The following SLC2A9 variants were observed in gnomAD, a reference collection of about 807,000 sequenced individuals.
SLC2A9 encodes solute carrier family 2, facilitated glucose transporter member 9.
In SLC2A9, 39 loss-of-function variants were observed where a neutral mutation model predicts 50.6. The ratio of observed to expected loss-of-function variants is 0.77; its 90% CI spans 0.60 to 1.01. The LOEUF (loss-of-function observed/expected upper bound fraction) is 1.01, where lower values mean the gene tolerates loss of function less well. SLC2A9 is among the 50% of genes least tolerant of loss of function. The pLI is 0.00. For synonymous variants in SLC2A9, 324 were observed against 276.9 expected (o/e 1.17, Z -1.69); for missense variants, 686 against 677.6 (o/e 1.01, Z -0.14).
At chr4:9,838,731 C>T (rs1227665939) in intron 10 of SLC2A9, among the ~76,000 whole-genome samples, 1 of 152,022 alleles carries the variant, frequency 6.6e-6, no homozygotes, top group African/African-American at 2.4e-5. Context: ...CTTTGACACA[C>T]CTGACAAAAA....
At chr4:9,868,523 T>C (rs1178293791) in intron 10 of SLC2A9, among the ~76,000 whole-genome samples, 2 of 152,236 alleles carry the variant, frequency 1.3e-5, no homozygotes, top group Admixed American at 1.3e-4. Context: ...TTATTTCAAT[T>C]GGGTACCTGC....
upstream of SLC2A9, chr4:10,025,941 C>T: frequency 1.2e-6 from 2 of 1,613,802 alleles, no homozygotes; most frequent in Non-Finnish European, 1.7e-6. Context: ...TTCATCTTCT[C>T]CTCGGTCCTT....
At chr4:9,866,663 G>A (rs1329591650) in intron 10 of SLC2A9, among the ~76,000 whole-genome samples, 5 of 152,166 alleles carry the variant, frequency 3.3e-5, no homozygotes, top group Non-Finnish European at 7.3e-5. Flanking sequence ...GGACGATGCT[G>A]CCATTACTCC....
intron 2 of SLC2A9, among the ~76,000 whole-genome samples, chr4:10,009,033 T>C (rs759910036): frequency 1.5e-4 from 23 of 151,696 alleles, no homozygotes; most frequent in Non-Finnish European, 2.8e-4. Context: ...GAGATACCCA[T>C]TTCATAGACA....
At chr4:9,943,731 G>T (rs141464777) in intron 5 of SLC2A9, among the ~76,000 whole-genome samples, 1 of 152,148 alleles carries the variant, frequency 6.6e-6, no homozygotes, top group Non-Finnish European at 1.5e-5. Flanking sequence ...TTTTCGCTAG[G>T]CCTGTGTGTG....
At chr4:10,017,443 A>T (rs999194565) in intron 2 of SLC2A9, among the ~76,000 whole-genome samples, 1 of 152,236 alleles carries the variant, frequency 6.6e-6, no homozygotes, top group African/African-American at 2.4e-5. Flanking sequence ...AAGATCACTG[A>T]CTGTTGGCAG....
At chr4:10,003,672 T>C (rs1367363892) in intron 2 of SLC2A9, among the ~76,000 whole-genome samples, 2 of 152,186 alleles carry the variant, frequency 1.3e-5, no homozygotes, top group African/African-American at 4.8e-5. Flanking sequence ...GTGATGAAGT[T>C]TGCTCAGAGA....
chr4:9,949,886 C>T (rs1339044148), intron 5 of SLC2A9, among the ~76,000 whole-genome samples: 1 of 152,198 alleles, frequency 6.6e-6, no homozygotes, highest in African/African-American at 2.4e-5. Flanking sequence ...TCTTTGAATG[C>T]TTCCTGCTTG....
At chr4:9,801,136 A>G (rs1440138138) in intron 3 of SLC2A9, among the ~76,000 whole-genome samples, 1 of 151,972 alleles carries the variant, frequency 6.6e-6, no homozygotes, top group Non-Finnish European at 1.5e-5. Flanking sequence ...AGGAAAAAAA[A>G]AAAGACACAT....
At chr4:9,873,843 C>G (rs184245819) in intron 10 of SLC2A9, among the ~76,000 whole-genome samples, 2 of 152,232 alleles carry the variant, frequency 1.3e-5, no homozygotes, top group African/African-American at 2.4e-5. Flanking sequence ...ACAGTCATAG[C>G]TAACCGATAC....
chr4:9,897,684 C>T (rs1475463318), intron 8 of SLC2A9, among the ~76,000 whole-genome samples: 28 of 151,876 alleles, frequency 1.8e-4, no homozygotes, highest in Admixed American at 6.6e-5. Context: ...GTCAGGAGTT[C>T]GAGACCAGCC....
At chr4:9,904,060 T>C (rs1352575822) in intron 8 of SLC2A9, among the ~76,000 whole-genome samples, 1 of 151,710 alleles carries the variant, frequency 6.6e-6, no homozygotes, top group Non-Finnish European at 1.5e-5. Context: ...ACTTACCTTA[T>C]ATTGATGCTC....
At chr4:10,026,300 C>T (rs1395882547), upstream of SLC2A9, among the ~76,000 whole-genome samples, 4 of 152,084 alleles carry the variant, frequency 2.6e-5, no homozygotes, top group Admixed American at 2.0e-4. Context: ...TGGATCTCCC[C>T]GGGCTATGTA....
intron 10 of SLC2A9, among the ~76,000 whole-genome samples, chr4:9,853,729 A>G (rs1164755313): frequency 6.6e-6 from 1 of 152,210 alleles, no homozygotes; most frequent in Admixed American, 6.5e-5. Flanking sequence ...TCCAAAATTG[A>G]CCACACAATT....
intron 6 of SLC2A9, among the ~76,000 whole-genome samples, chr4:9,921,542 G>A (rs779211239): frequency 6.6e-5 from 10 of 152,196 alleles, no homozygotes; most frequent in South Asian, 2.1e-4. Flanking sequence ...ACATGGCTCC[G>A]CCCCTCAGGG....
At chr4:9,886,483 A>C (rs1194060396) in intron 10 of SLC2A9, among the ~76,000 whole-genome samples, 3 of 143,084 alleles carry the variant, frequency 2.1e-5, no homozygotes, top group African/African-American at 7.8e-5. Context: ...TGCTGTGTGC[A>C]TGTATGTGCA....
chr4:9,914,864 T>A (rs1416830044), intron 7 of SLC2A9, among the ~76,000 whole-genome samples: 1 of 152,186 alleles, frequency 6.6e-6, no homozygotes, highest in Non-Finnish European at 1.5e-5. Flanking sequence ...ACTGTCTTTC[T>A]TTATAAAAAT....
chr4:9,856,898 G>A (rs1260548297), intron 10 of SLC2A9, among the ~76,000 whole-genome samples: 2 of 152,144 alleles, frequency 1.3e-5, no homozygotes, highest in Admixed American at 1.3e-4. Flanking sequence ...TCAATTATAA[G>A]TGGGAGCTAA....
At chr4:9,779,300 C>T (rs1231307202), downstream of SLC2A9, among the ~76,000 whole-genome samples, 1 of 152,186 alleles carries the variant, frequency 6.6e-6, no homozygotes, top group Non-Finnish European at 1.5e-5. Context: ...GGCCAACCTC[C>T]CCAACTGCTG....
Sources: allele counts gnomAD v4.1 joint callset (sites outside exome capture counted in the v4.1 genomes callset), GRCh38; gene constraint gnomAD v4.1.1; transcripts MANE v1.5; gene names NCBI Gene and HGNC (gene_info 2026-07-23, HGNC 2026-07-21).